BCKDHB: variants seen among roughly 807,000 people sequenced by gnomAD.
The protein encoded by BCKDHB is 2-oxoisovalerate dehydrogenase subunit beta, mitochondrial.
A neutral mutation model predicts 48.5 loss-of-function variants in BCKDHB; 41 were observed. That is an observed-to-expected ratio of 0.85 (90% CI 0.66 to 1.10). BCKDHB has a LOEUF of 1.10. Among genes scored for constraint, BCKDHB ranks in the 50% least tolerant of loss-of-function variants. The pLI is 0.00. For missense variants in BCKDHB, 496 were observed against 494.2 expected (o/e 1.00, Z -0.03); for synonymous variants, 201 against 174.8 (o/e 1.15, Z -1.18).
intron 9 of BCKDHB, among the ~76,000 whole-genome samples, chr6:80,332,755 C>T (rs2322750): frequency 0.78 from 115,964 of 149,572 alleles, 45,326 homozygotes; most frequent in Admixed American, 0.84. Flanking sequence ...CATATGTTCA[C>T]CATCAAATCT....
intron 8 of BCKDHB, among the ~76,000 whole-genome samples, chr6:80,230,586 A>G (rs1248230428): frequency 6.6e-6 from 1 of 151,980 alleles, no homozygotes; most frequent in South Asian, 2.1e-4. Context: ...TAATTATTCA[A>G]CTCTGCCCTT....
At chr6:80,370,621 TC>T in the BCKDHB span, among the ~76,000 whole-genome samples, 1 of 152,098 alleles carries the variant, frequency 6.6e-6, no homozygotes, top group Non-Finnish European at 1.5e-5. Context: ...ATAGCTTAGC[TC>T]CCATTTATGA....
intron 3 of BCKDHB, among the ~76,000 whole-genome samples, chr6:80,134,662 T>C (rs1423048757): frequency 2.0e-5 from 3 of 152,162 alleles, no homozygotes; most frequent in East Asian, 1.9e-4. Flanking sequence ...ATAGTTGTTA[T>C]AGCATTTTGG....
the BCKDHB span, among the ~76,000 whole-genome samples, chr6:80,402,751 T>C: frequency 2.1e-3 from 312 of 152,038 alleles, no homozygotes; most frequent in African/African-American, 7.2e-3. Flanking sequence ...TACAATTAAG[T>C]CTTTAATCCA....
At chr6:80,430,935 C>G in the BCKDHB span, among the ~76,000 whole-genome samples, 1 of 152,048 alleles carries the variant, frequency 6.6e-6, no homozygotes, top group African/African-American at 2.4e-5. Flanking sequence ...TATATCTTTC[C>G]TGTCTTCTCT....
chr6:80,448,489 G>A, the BCKDHB span, among the ~76,000 whole-genome samples: 2 of 152,142 alleles, frequency 1.3e-5, no homozygotes, highest in African/African-American at 4.8e-5. Flanking sequence ...GTTGGGGCCA[G>A]GATGGCAATG....
chr6:80,213,016 C>T (rs1582370240), intron 8 of BCKDHB, among the ~76,000 whole-genome samples: 1 of 152,144 alleles, frequency 6.6e-6, no homozygotes, highest in South Asian at 2.1e-4. Flanking sequence ...TTCCCAGTAC[C>T]TGCAACAATG....
chr6:80,386,311 C>A, the BCKDHB span, among the ~76,000 whole-genome samples: 3 of 152,000 alleles, frequency 2.0e-5, no homozygotes, highest in South Asian at 6.2e-4. Context: ...TGAAATCAAC[C>A]TAAGTGCCCA....
At chr6:80,312,267 C>T (rs1333101565) in intron 9 of BCKDHB, among the ~76,000 whole-genome samples, 1 of 152,164 alleles carries the variant, frequency 6.6e-6, no homozygotes, top group Non-Finnish European at 1.5e-5. Flanking sequence ...AATTTTTGGG[C>T]ATTGATTCTG....
chr6:80,150,038 T>C (rs1562089240), intron 3 of BCKDHB, among the ~76,000 whole-genome samples: 1 of 152,070 alleles, frequency 6.6e-6, no homozygotes, highest in Non-Finnish European at 1.5e-5. Flanking sequence ...CTTTTGTTTC[T>C]AGCTTCAAGT....
chr6:80,302,543 T>G (rs1345061253), intron 9 of BCKDHB, among the ~76,000 whole-genome samples: 1 of 152,186 alleles, frequency 6.6e-6, no homozygotes, highest in African/African-American at 2.4e-5. Context: ...GAGGATTGGA[T>G]GTTCAAAATG....
At chr6:80,407,716 C>G in the BCKDHB span, among the ~76,000 whole-genome samples, 1 of 152,166 alleles carries the variant, frequency 6.6e-6, no homozygotes, top group Non-Finnish European at 1.5e-5. Context: ...TATCCTGAGA[C>G]TTTGCTGAAG....
chr6:80,273,591 G>T (rs1324380955), intron 9 of BCKDHB, among the ~76,000 whole-genome samples: 2 of 151,952 alleles, frequency 1.3e-5, no homozygotes, highest in Non-Finnish European at 2.9e-5. Flanking sequence ...ATGACTTGAG[G>T]TTATGGAATT....
the BCKDHB span, among the ~76,000 whole-genome samples, chr6:80,461,810 A>C: frequency 9.2e-5 from 14 of 152,284 alleles, no homozygotes; most frequent in East Asian, 2.7e-3. Flanking sequence ...GGCTTCTAAT[A>C]CACAAACAGT....
rs866052043 is a variant in BCKDHB at position 80,120,148 on chromosome 6, G to T, written c.197-7399G>T. Among the ~76,000 whole-genome samples the T allele has an allele frequency of 6.6e-4, 101 of 152,236 alleles. No homozygotes were observed. The Middle Eastern group carries it at 0.014, about 21-fold the overall frequency. ...GTCCTTGTGATAGTTTGCTGAGAAT[G>T]ATGGTTTCCAGCTTCATCCATGTCC... On this transcript the variant is annotated intron_variant, in intron 1 of 9. Coordinates refer to ENST00000320393, the MANE Select transcript of BCKDHB (RefSeq NM_183050.4).
chr6:80,343,200 C>CT (rs1396629017), intron 9 of BCKDHB, among the ~76,000 whole-genome samples: 4 of 152,188 alleles, frequency 2.6e-5, no homozygotes, highest in Non-Finnish European at 5.9e-5. Flanking sequence ...AGTTAAGTAA[C>CT]TGATAGAAGT....
Position 80,129,632 on chromosome 6 carries a change from G to A in BCKDHB, c.343+403G>A, listed in dbSNP as rs1325429407. ...TTCGGGAAGAGAGAGAGAGAGAGAG[G>A]GAGAGGGATTTAGTTTTTAAGGAAC... is the stretch of plus-strand genomic sequence containing the variant. On this transcript the variant is annotated intron_variant, in intron 3 of 9. Transcript: ENST00000320393. Among the ~76,000 whole-genome samples the A allele has an allele frequency of 5.9e-5, 9 of 151,852 alleles. No homozygotes were observed. The South Asian group carries it at 1.2e-3, about 21-fold the overall frequency.
the BCKDHB span, among the ~76,000 whole-genome samples, chr6:80,407,116 C>T: frequency 1.3e-5 from 2 of 152,052 alleles, no homozygotes; most frequent in Non-Finnish European, 2.9e-5. Context: ...ATAGGGAATC[C>T]TTTTCCCATT....
the BCKDHB span, among the ~76,000 whole-genome samples, chr6:80,389,875 G>A: frequency 6.6e-6 from 1 of 152,098 alleles, no homozygotes; most frequent in Non-Finnish European, 1.5e-5. Context: ...GAATCAAGAG[G>A]TGGAAGTAGC....
Sources: allele counts gnomAD v4.1 joint callset (sites outside exome capture counted in the v4.1 genomes callset), GRCh38; gene constraint gnomAD v4.1.1; transcripts MANE v1.5; gene names NCBI Gene and HGNC (gene_info 2026-07-23, HGNC 2026-07-21).